METTL27: variants seen among roughly 807,000 people sequenced by gnomAD.
The protein encoded by METTL27 is methyltransferase like 27.
Under a neutral mutation model 24.5 loss-of-function variants are expected in METTL27, and 29 were observed. The ratio of observed to expected loss-of-function variants is 1.18; its 90% CI spans 0.88 to 1.61. METTL27 has a LOEUF of 1.61. METTL27 is among the 40% of genes most tolerant of loss of function. The pLI, the probability that METTL27 is intolerant of heterozygous loss-of-function variation, is 0.00. For synonymous variants in METTL27, 138 were observed against 146.8 expected (o/e 0.94, Z 0.43); for missense variants, 341 against 324.3 (o/e 1.05, Z -0.40).
At chr7:73,835,413 C>A (rs1788141309) in intron 5 of METTL27, among the ~76,000 whole-genome samples, 2 of 144,416 alleles carry the variant, frequency 1.4e-5, no homozygotes, top group South Asian at 4.6e-4. Context: ...CGGGGTTTCG[C>A]TGTGTTGGCC....
intron 2 of METTL27, among the ~76,000 whole-genome samples, chr7:73,841,776 G>A (rs78641188): frequency 0.098 from 14,967 of 152,008 alleles, 799 homozygotes; most frequent in East Asian, 0.2. Flanking sequence ...CACCGCGCCC[G>A]GCCCCACAGT....
Position 73,834,863 on chromosome 7 carries a change from G to T in METTL27, c.618C>A (p.Thr206=), listed in dbSNP as rs141574320. ...AGCTCGGAGGTAGCCAGCTCCCAGCGGTCCACAGGCGGTCCACAGGCCAGG... is the reference window on the plus strand; with the variant it reads ...AGCTCGGAGGTAGCCAGCTCCCAGCTGTCCACAGGCGGTCCACAGGCCAGG... ...LVAWPVDRLW[T]AGSWLPPSWR... The change falls in exon 6 of 6, where the codon ACC becomes ACA. Residue 206 remains threonine (T), a synonymous_variant. Coordinates refer to ENST00000297873, the MANE Select transcript of METTL27 (RefSeq NM_152559.3). 1.2e-6 allele frequency: 2 copies of T among 1,611,542 alleles called. No homozygotes were observed. Among genetic ancestry groups the T allele is most frequent in the Admixed American group, 1.7e-5 (1 of 59,880 alleles).
chr7:73,836,383 C>G (rs1162453650), intron 5 of METTL27, among the ~76,000 whole-genome samples: 2 of 144,598 alleles, frequency 1.4e-5, no homozygotes, highest in Non-Finnish European at 3.1e-5. Context: ...CCCGGCCAGC[C>G]GCCCAGTCCG....
At chr7:73,837,951 G>A (rs1788253702) in intron 5 of METTL27, among the ~76,000 whole-genome samples, 1 of 151,650 alleles carries the variant, frequency 6.6e-6, no homozygotes, top group South Asian at 2.1e-4. Context: ...ACGAGCTCAA[G>A]CAATCCTCCC....
chr7:73,839,042 G>A (rs1788284165), intron 5 of METTL27, among the ~76,000 whole-genome samples: 1 of 152,170 alleles, frequency 6.6e-6, no homozygotes, highest in Admixed American at 6.6e-5. Flanking sequence ...CCAGCACTGT[G>A]AGAGGCCAAG....
At chr7:73,839,013 G>A (rs1031434704) in intron 5 of METTL27, among the ~76,000 whole-genome samples, 1 of 152,224 alleles carries the variant, frequency 6.6e-6, no homozygotes, top group Non-Finnish European at 1.5e-5. Flanking sequence ...ACCAGGCACA[G>A]TGGCTCATGC....
chr7:73,838,339 G>A (rs1788263793), intron 5 of METTL27, among the ~76,000 whole-genome samples: 1 of 152,142 alleles, frequency 6.6e-6, no homozygotes, highest in East Asian at 1.9e-4. Flanking sequence ...GCACAGAGAG[G>A]ATGATTATCT....
chr7:73,839,198 T>C (rs782131380), intron 5 of METTL27, among the ~76,000 whole-genome samples: 7 of 152,154 alleles, frequency 4.6e-5, no homozygotes, highest in African/African-American at 1.7e-4. Flanking sequence ...CAGGAGAATC[T>C]CTTGAACCTG....
At chr7:73,836,530 TG>T (rs1376058578) in intron 5 of METTL27, among the ~76,000 whole-genome samples, 1 of 50,038 alleles carries the variant, frequency 2.0e-5, no homozygotes, top group Non-Finnish European at 3.7e-5. Context: ...GGGAGGGAGG[TG>T]GGGGGGTCAG....
intron 1 of METTL27, 72 bp from the exon 2 acceptor site, chr7:73,842,216 T>A: frequency 6.6e-7 from 1 of 1,523,456 alleles, no homozygotes; most frequent in Non-Finnish European, 8.7e-7. Context: ...CCTTCCCTCC[T>A]CCCCCTTCAG....
chr7:73,834,814 G>A lies in METTL27; in HGVS notation c.667C>T (p.Pro223Ser). Reference protein sequence around the residue: ...PSWRWYPASLPRMASSPALST... With the variant: ...PSWRWYPASLSRMASSPALST... ...AATGCCGGAGATGAAGCCATCCTTG[G>A]CAGAGATGCCGGATACCACCTCCAG... The change falls in exon 6 of 6, where the codon CCA becomes TCA. Residue 223 changes from proline to serine, a missense_variant. Pro to Ser is a moderately conservative substitution (Grantham distance 74, BLOSUM62 -1). Coordinates refer to ENST00000297873, the MANE Select transcript of METTL27 (RefSeq NM_152559.3). 1 of 1,614,148 alleles carries A rather than the reference G, an allele frequency of 6.2e-7. No individual in the cohort carries two copies. The highest frequency in any genetic ancestry group is 8.5e-7 in the Non-Finnish European group (1 of 1,180,032).
chr7:73,841,426 A>G (rs1788351647), intron 2 of METTL27, among the ~76,000 whole-genome samples: 1 of 149,352 alleles, frequency 6.7e-6, no homozygotes, highest in Non-Finnish European at 1.5e-5. Context: ...CCCTCCAGGG[A>G]CCTTCTCTCC....
intron 2 of METTL27, 139 bp downstream of exon 2, chr7:73,841,879 G>T (rs964773160): frequency 7.1e-7 from 1 of 1,405,898 alleles, no homozygotes; most frequent in African/African-American, 1.5e-5. Flanking sequence ...GCGGGTTCTG[G>T]AAGGGGCAGG....
intron 5 of METTL27, among the ~76,000 whole-genome samples, chr7:73,839,219 G>T (rs1037965548): frequency 2.6e-5 from 4 of 152,200 alleles, no homozygotes; most frequent in Admixed American, 1.3e-4. Context: ...GGAGGTGAAG[G>T]TTGCAGTGAA....
At chr7:73,837,189 G>A (rs1465550472) in intron 5 of METTL27, among the ~76,000 whole-genome samples, 1 of 142,286 alleles carries the variant, frequency 7.0e-6, no homozygotes, top group Admixed American at 7.0e-5. Flanking sequence ...AGAGACCTTT[G>A]TTCACTTGTT....
At chr7:73,840,299 G>A (rs1788315111) in intron 4 of METTL27, 115 bp downstream of exon 4, 3 of 1,499,156 alleles carry the variant, frequency 2.0e-6, no homozygotes, top group South Asian at 1.3e-5. Context: ...CAGATCGTGG[G>A]GTGCAGGGTT....
Position 73,841,092 on chromosome 7 carries a change from C to A in METTL27, c.230G>T (p.Gly77Val). 6.6e-7 allele frequency: 1 copy of A among 1,511,944 alleles called. No individual in the cohort carries two copies. The highest frequency in any genetic ancestry group is 1.3e-5 in the South Asian group (1 of 75,408). 93.7% of individuals were successfully genotyped at this position (1,511,944 alleles called of 1,614,324 possible). The change falls in exon 3 of 6, where the codon GGC becomes GTC. Residue 77 changes from glycine (G) to valine (V), a missense_variant. Physicochemically the swap from Gly to Val is moderately radical, Grantham distance 109. Transcript: ENST00000297873. ...CACCTCGGCAGCCACTAGGCCTGTG[C>A]CACAGGCCACGTCCAGGATCAGGGC... ...HSALILDVAC[G>V]TGLVAAELRA...
chr7:73,841,320 G>A (rs1788348783), intron 2 of METTL27, 122 bp from the exon 3 acceptor site: 5 of 1,400,132 alleles, frequency 3.6e-6, no homozygotes, highest in Non-Finnish European at 4.7e-6. Context: ...CCTGGCTGGG[G>A]CTAGCGTGAG....
rs1563647403 is a variant in METTL27 at position 73,834,610 on chromosome 7, T to C, written c.*133A>G. On this transcript the variant is annotated 3_prime_UTR_variant, in exon 6 of 6. Coordinates refer to ENST00000297873, the MANE Select transcript of METTL27 (RefSeq NM_152559.3). The stretch of plus-strand genomic sequence containing the variant: ...CACTGTTTTCTGGGAGCTCATTTAA[T>C]AGGCAGGGCATTTCTGAGGGGCAGG... 7 of 729,330 alleles carry C rather than the reference T, an allele frequency of 9.6e-6. No individual in the cohort carries two copies. The highest frequency in any genetic ancestry group is 2.8e-4 in the Middle Eastern group (1 of 3,558). The allele number at this position is 729,330 out of a possible 1,614,324, so 45.2% of individuals were successfully genotyped here. A position where few individuals can be genotyped will look rare whatever the true frequency, so the allele number is the denominator to read the frequency against.
Sources: gnomAD v4.1 joint callset for allele counts (sites outside exome capture counted in the v4.1 genomes callset) on GRCh38, gnomAD v4.1.1 for gene constraint, MANE v1.5 for transcripts, NCBI Gene and HGNC (gene_info 2026-07-23, HGNC 2026-07-21) for gene names.